The following RIC3 variants were observed in gnomAD, a reference collection of about 807,000 sequenced individuals.
The protein encoded by RIC3 is protein RIC-3.
In RIC3, 28 loss-of-function variants were observed where a neutral mutation model predicts 27.3. The observed-to-expected ratio is 1.02, with a 90% confidence interval of 0.76 to 1.41. The LOEUF is 1.41. Ranked by LOEUF, RIC3 falls within the 40% of genes most tolerant of loss-of-function variation. RIC3 has a pLI of 0.00. For synonymous variants in RIC3, 184 were observed against 160.4 expected, an observed-to-expected ratio of 1.15 and a Z score of -1.11; for missense variants, 501 against 444.7, an observed-to-expected ratio of 1.13 and a Z score of -1.14.
chr11:8,118,638 C>CA (rs1036009666), intron 5 of RIC3, among the ~76,000 whole-genome samples: 4 of 150,762 alleles, frequency 2.7e-5, no homozygotes, highest in African/African-American at 9.8e-5. Flanking sequence ...GAGGCTTAGG[C>CA]AGTTGGATCA....
intron 1 of RIC3, among the ~76,000 whole-genome samples, chr11:8,143,124 G>C (rs1949255391): frequency 8.1e-6 from 1 of 122,914 alleles, no homozygotes; most frequent in Non-Finnish European, 1.6e-5. Context: ...GCACAAGACA[G>C]GGATGCCCTC....
At chr11:8,097,751 A>G in the RIC3 span, 44,042 of 1,613,848 alleles carry the variant, frequency 0.027, 733 homozygotes, top group Non-Finnish European at 0.034. Flanking sequence ...AAGAAGAGTA[A>G]AACTTCCAAT....
intron 4 of RIC3, among the ~76,000 whole-genome samples, chr11:8,131,900 CAAAAAAA>C (rs796158730): frequency 1.5e-4 from 4 of 26,188 alleles, no homozygotes; most frequent in African/African-American, 3.4e-4. Flanking sequence ...GACTCCATCT[CAAAAAAA>C]AAAAAAAAAA....
chr11:8,163,018 A>AACACACAC (rs59248468), intron 1 of RIC3, among the ~76,000 whole-genome samples: 4,074 of 135,978 alleles, frequency 0.03, 142 homozygotes, highest in Admixed American at 0.11. Context: ...GGATTATTTA[A>AACACACAC]ACACACACAC....
At chr11:8,141,965 T>C (rs1949125678) in intron 1 of RIC3, among the ~76,000 whole-genome samples, 1 of 151,418 alleles carries the variant, frequency 6.6e-6, no homozygotes, top group Non-Finnish European at 1.5e-5. Flanking sequence ...ATAAAGATGT[T>C]CTTTGAAACC....
chr11:8,102,529 G>A (rs1944351064), downstream of RIC3: 1 of 152,284 alleles, frequency 6.6e-6, no homozygotes, highest in African/African-American at 2.4e-5. Context: ...ACTGCACACA[G>A]CTAGGCATGC....
intron 5 of RIC3, among the ~76,000 whole-genome samples, chr11:8,112,363 G>A (rs1001010698): frequency 2.0e-5 from 3 of 149,908 alleles, no homozygotes; most frequent in Non-Finnish European, 4.4e-5. Flanking sequence ...GTGCAATCTC[G>A]GTTCACTGCA....
At chr11:8,165,789 T>G (rs867712287) in intron 1 of RIC3, among the ~76,000 whole-genome samples, 2,478 of 129,050 alleles carry the variant, frequency 0.019, 74 homozygotes, top group African/African-American at 0.086. Flanking sequence ...TTTGTTTTGT[T>G]TTTTTTTTTG....
At chr11:8,143,336 G>C (rs991700273) in intron 1 of RIC3, among the ~76,000 whole-genome samples, 6 of 151,520 alleles carry the variant, frequency 4.0e-5, no homozygotes, top group East Asian at 2.0e-4. Flanking sequence ...AAAGTCTCAG[G>C]ATACAAAATC....
At chr11:8,115,970 G>T (rs1349825637) in intron 5 of RIC3, among the ~76,000 whole-genome samples, 1 of 152,088 alleles carries the variant, frequency 6.6e-6, no homozygotes, top group East Asian at 1.9e-4. Context: ...CAAAGCCAGA[G>T]GCATCACAGT....
At chr11:8,151,041 C>A (rs989565919) in intron 1 of RIC3, among the ~76,000 whole-genome samples, 1 of 152,146 alleles carries the variant, frequency 6.6e-6, no homozygotes, top group Non-Finnish European at 1.5e-5. Flanking sequence ...TAAAATCTTA[C>A]AGGAAAACAT....
chr11:8,131,356 G>A (rs920969866), intron 4 of RIC3, among the ~76,000 whole-genome samples: 1 of 152,106 alleles, frequency 6.6e-6, no homozygotes, highest in African/African-American at 2.4e-5. Flanking sequence ...TTTCTGCTTT[G>A]GGCAACCAAG....
At chr11:8,153,630 C>T (rs1950427880) in intron 1 of RIC3, among the ~76,000 whole-genome samples, 1 of 152,042 alleles carries the variant, frequency 6.6e-6, no homozygotes. Flanking sequence ...TCAGCCTGTT[C>T]TTTCTTTATA....
intron 4 of RIC3, among the ~76,000 whole-genome samples, chr11:8,132,521 C>T (rs1172011057): frequency 6.6e-6 from 1 of 152,148 alleles, no homozygotes; most frequent in African/African-American, 2.4e-5. Flanking sequence ...TGCTTAATAT[C>T]AGACAGAACA....
chr11:8,097,144 T>TAGGAGGC, the RIC3 span: 1 of 1,484,172 alleles, frequency 6.7e-7, no homozygotes, highest in Non-Finnish European at 9.3e-7. Context: ...ACCGCCACGT[T>TAGGAGGC]AGGAGGCAGA....
chr11:8,112,443 G>A (rs1945386324), intron 5 of RIC3, among the ~76,000 whole-genome samples: 1 of 152,008 alleles, frequency 6.6e-6, no homozygotes, highest in Non-Finnish European at 1.5e-5. Flanking sequence ...ACAGGTGCAT[G>A]CCACCACACC....
At chr11:8,115,744 A>C (rs1469973516) in intron 5 of RIC3, among the ~76,000 whole-genome samples, 1 of 152,204 alleles carries the variant, frequency 6.6e-6, no homozygotes, top group Non-Finnish European at 1.5e-5. Context: ...AAAGAAATTG[A>C]AGAAGACACA....
the RIC3 span, chr11:8,100,406 G>C: frequency 1.1e-6 from 1 of 926,202 alleles, no homozygotes; most frequent in Middle Eastern, 2.9e-4. Context: ...AGTGGAGATG[G>C]TGGGAACTAG....
chr11:8,166,852 AG>A (rs1204374315), intron 1 of RIC3, among the ~76,000 whole-genome samples: 2 of 152,048 alleles, frequency 1.3e-5, no homozygotes, highest in African/African-American at 2.4e-5. Context: ...TCTGCACTCC[AG>A]CCTGGGTGAC....
Sources: allele counts gnomAD v4.1 joint callset (sites outside exome capture counted in the v4.1 genomes callset), GRCh38; gene constraint gnomAD v4.1.1; transcripts MANE v1.5; gene names NCBI Gene and HGNC (gene_info 2026-07-23, HGNC 2026-07-21).